The following FGD5 variants were observed in gnomAD, a reference collection of about 807,000 sequenced individuals.
The protein encoded by FGD5 is FYVE, RhoGEF and PH domain containing 5.
A neutral mutation model predicts 133.4 loss-of-function variants in FGD5; 28 were observed. The observed-to-expected ratio is 0.21, with a 90% CI of 0.16 to 0.29. The LOEUF (loss-of-function observed/expected upper bound fraction) is 0.29. Among genes scored for constraint, FGD5 ranks in the 10% least tolerant of loss-of-function variants. The probability of loss-of-function intolerance (pLI) is 1.00; values close to 1 mark genes in which losing one functional copy is unlikely to be tolerated. For missense variants in FGD5, 1,858 were observed against 1,895.2 expected, an observed-to-expected ratio of 0.98 and a Z score of 0.36; for synonymous variants, 810 against 776.5, an observed-to-expected ratio of 1.04 and a Z score of -0.72.
At chr3:14,839,655 A>G (rs924853079) in intron 1 of FGD5, among the ~76,000 whole-genome samples, 3 of 152,162 alleles carry the variant, frequency 2.0e-5, no homozygotes, top group Non-Finnish European at 2.9e-5. Flanking sequence ...AATGTTGGCC[A>G]GGCGCAGTGG....
intron 4 of FGD5, among the ~76,000 whole-genome samples, chr3:14,881,888 C>T (rs929864102): frequency 2.0e-5 from 3 of 152,126 alleles, no homozygotes; most frequent in South Asian, 4.2e-4. Context: ...GGGCAGGGAC[C>T]ATCTCTGGGT....
Position 14,907,821 on chromosome 3 carries a change from C to T in FGD5, c.3336+110C>T, listed in dbSNP as rs2038368609. On this transcript the variant is annotated intron_variant, in intron 10 of 19. Coordinates refer to ENST00000285046, the MANE Select transcript of FGD5 (RefSeq NM_152536.4). Reference sequence around the variant, plus strand: ...CAGGCCTGGCTGCAGGTGCTGTCTACCCATGGAGGGCAGGCAGGCGGGTGG... The same window carrying T: ...CAGGCCTGGCTGCAGGTGCTGTCTATCCATGGAGGGCAGGCAGGCGGGTGG... 5.4e-6 allele frequency: 6 copies of T among 1,105,716 alleles called. No homozygotes were observed. In the East Asian group the frequency reaches 7.8e-5, roughly 14 times the overall value. 68.5% of individuals were successfully genotyped at this position (1,105,716 alleles called of 1,614,324 possible).
At chr3:14,860,623 A>G (rs2037379843) in intron 1 of FGD5, among the ~76,000 whole-genome samples, 1 of 152,188 alleles carries the variant, frequency 6.6e-6, no homozygotes, top group Admixed American at 6.5e-5. Flanking sequence ...CAATATGAGC[A>G]AGATAACTTT....
At chr3:14,873,531 A>G (rs1268840701) in intron 2 of FGD5, among the ~76,000 whole-genome samples, 5 of 152,126 alleles carry the variant, frequency 3.3e-5, no homozygotes, top group Non-Finnish European at 7.3e-5. Flanking sequence ...CCTTTCCAGA[A>G]TTAAGTGCGA....
intron 18 of FGD5, among the ~76,000 whole-genome samples, chr3:14,929,439 G>A (rs780363657): frequency 1.8e-4 from 28 of 152,160 alleles, no homozygotes; most frequent in African/African-American, 7.2e-5. Context: ...CCAAAGTGGT[G>A]TGCCATTTTA....
chr3:14,903,510 C>T (rs564835684), intron 9 of FGD5, among the ~76,000 whole-genome samples: 1 of 127,060 alleles, frequency 7.9e-6, no homozygotes, highest in African/African-American at 3.0e-5. Context: ...CCCCTCCCCC[C>T]ACCCCACAAC....
At chr3:14,875,937 C>CT (rs1340590950) in intron 2 of FGD5, among the ~76,000 whole-genome samples, 2 of 152,086 alleles carry the variant, frequency 1.3e-5, no homozygotes, top group African/African-American at 4.8e-5. Flanking sequence ...GACACAGAGG[C>CT]TTTGGGGGCG....
At chr3:14,924,438 A>C (rs2038752897) in intron 17 of FGD5, among the ~76,000 whole-genome samples, 1 of 151,972 alleles carries the variant, frequency 6.6e-6, no homozygotes, top group African/African-American at 2.4e-5. Flanking sequence ...GGGGCTCTTC[A>C]TTCTAAAGGA....
At chr3:14,882,184 G>T in intron 4 of FGD5, 1 of 497,180 alleles carries the variant, frequency 2.0e-6, no homozygotes, top group Non-Finnish European at 2.6e-6. Flanking sequence ...AGGCCTGAAG[G>T]ATCAGTTTCC....
At chr3:14,841,267 G>C (rs1211565808) in intron 1 of FGD5, among the ~76,000 whole-genome samples, 2 of 152,180 alleles carry the variant, frequency 1.3e-5, no homozygotes, top group Admixed American at 6.5e-5. Context: ...ACCCAGGGGT[G>C]GTGAGGAATC....
chr3:14,850,673 A>C (rs1164741423), intron 1 of FGD5, among the ~76,000 whole-genome samples: 1 of 152,152 alleles, frequency 6.6e-6, no homozygotes, highest in East Asian at 1.9e-4. Context: ...AGGAACTTTA[A>C]TATAGGAACG....
upstream of FGD5, among the ~76,000 whole-genome samples, chr3:14,816,321 A>G (rs74749087): frequency 0.018 from 2,812 of 152,264 alleles, 81 homozygotes; most frequent in African/African-American, 0.063. Context: ...CTGCCACCCA[A>G]TGTTGACAGT....
At chr3:14,829,837 C>A (rs1355153771) in intron 1 of FGD5, among the ~76,000 whole-genome samples, 1 of 152,196 alleles carries the variant, frequency 6.6e-6, no homozygotes, top group African/African-American at 2.4e-5. Flanking sequence ...CAGTGCACCC[C>A]CAGATTCCTT....
intron 11 of FGD5, among the ~76,000 whole-genome samples, chr3:14,913,002 C>T (rs954409588): frequency 2.0e-5 from 3 of 152,052 alleles, no homozygotes; most frequent in African/African-American, 2.4e-5. Context: ...CGCCATTACA[C>T]TCCAGCCTGG....
At chr3:14,846,904 G>A (rs951802427) in intron 1 of FGD5, among the ~76,000 whole-genome samples, 2 of 152,198 alleles carry the variant, frequency 1.3e-5, no homozygotes, top group African/African-American at 4.8e-5. Flanking sequence ...GGGCTGTAAG[G>A]AAACCCTTTT....
intron 4 of FGD5, among the ~76,000 whole-genome samples, chr3:14,893,452 A>G (rs1346211018): frequency 6.6e-6 from 1 of 152,184 alleles, no homozygotes; most frequent in Admixed American, 6.5e-5. Flanking sequence ...CCTGGGCTCA[A>G]GCAATCTTCC....
In FGD5 at chr3:14,877,930, T is replaced by C. The variant is rs2037751230; in HGVS notation, c.2659-2642T>C. ...AGGGATGCCATTAGTTATCCTGTAATACGTAAGAACAGCTTCTACAGCAAA... is the reference window on the plus strand; with the variant it reads ...AGGGATGCCATTAGTTATCCTGTAACACGTAAGAACAGCTTCTACAGCAAA... On this transcript the variant is annotated intron_variant, in intron 2 of 19. Transcript: ENST00000285046. Among the ~76,000 whole-genome samples the C allele has an allele frequency of 2.0e-5, 3 of 152,184 alleles. No individual in the cohort carries two copies. The South Asian group carries it at 6.2e-4, about 32-fold the overall frequency.
At chr3:14,880,256 A>G (rs1434385482) in intron 2 of FGD5, among the ~76,000 whole-genome samples, 1 of 152,160 alleles carries the variant, frequency 6.6e-6, no homozygotes, top group Admixed American at 6.5e-5. Context: ...CAGGAGGCTG[A>G]GGTAGGAGGA....
intron 10 of FGD5, 97 bp downstream of exon 10, chr3:14,907,808 C>A (rs766244737): frequency 1.9e-4 from 243 of 1,247,272 alleles, no homozygotes; most frequent in Non-Finnish European, 2.6e-4. Flanking sequence ...GGCCTGGCTG[C>A]AGGTGCTGTC....
Sources: gnomAD v4.1 joint callset for allele counts (sites outside exome capture counted in the v4.1 genomes callset) on GRCh38, gnomAD v4.1.1 for gene constraint, MANE v1.5 for transcripts, NCBI Gene and HGNC (gene_info 2026-07-23, HGNC 2026-07-21) for gene names.